Variants in EBF1 observed in about 807,000 individuals in gnomAD.
EBF1 encodes the protein transcription factor COE1.
A neutral mutation model predicts 68.4 loss-of-function variants in EBF1; 10 were observed. The ratio of observed to expected loss-of-function variants is 0.15; its 90% confidence interval spans 0.09 to 0.25. EBF1 has a LOEUF of 0.25. Among genes scored for constraint, EBF1 ranks in the 10% least tolerant of loss-of-function variants. EBF1 has a pLI of 1.00. For synonymous variants in EBF1, 298 were observed against 299.8 expected, an observed-to-expected ratio of 0.99 and a Z score of 0.06; for missense variants, 509 against 794.4, an observed-to-expected ratio of 0.64 and a Z score of 4.32.
chr5:159,069,482 T>G (rs969515563), intron 6 of EBF1, among the ~76,000 whole-genome samples: 2 of 152,138 alleles, frequency 1.3e-5, no homozygotes, highest in Admixed American at 1.3e-4. Flanking sequence ...CCATCTGTAT[T>G]CATCCATGTC....
At chr5:159,010,757 G>A (rs1410886259) in intron 6 of EBF1, among the ~76,000 whole-genome samples, 1 of 152,176 alleles carries the variant, frequency 6.6e-6, no homozygotes, top group East Asian at 1.9e-4. Flanking sequence ...GCAGGGAAAC[G>A]CATAAGGCTG....
chr5:158,930,410 C>A (rs1810609147), intron 6 of EBF1, among the ~76,000 whole-genome samples: 1 of 152,058 alleles, frequency 6.6e-6, no homozygotes, highest in Non-Finnish European at 1.5e-5. Context: ...AAAAGATGCT[C>A]CTCTGAGCCT....
At chr5:159,040,352 T>C (rs1770939751) in intron 6 of EBF1, among the ~76,000 whole-genome samples, 1 of 152,170 alleles carries the variant, frequency 6.6e-6, no homozygotes, top group Non-Finnish European at 1.5e-5. Context: ...TTTACATCCA[T>C]TGAGGCCACC....
chr5:158,785,498 C>G (rs529577823), intron 9 of EBF1, among the ~76,000 whole-genome samples: 10 of 152,268 alleles, frequency 6.6e-5, no homozygotes, highest in African/African-American at 2.4e-4. Flanking sequence ...TCAGAGTTCT[C>G]TGGGTTTCAT....
chr5:158,983,937 T>C (rs1583662964), intron 6 of EBF1, among the ~76,000 whole-genome samples: 2 of 151,048 alleles, frequency 1.3e-5, no homozygotes, highest in South Asian at 4.2e-4. Context: ...TGTGTGTGTG[T>C]GTGTAACCAA....
intron 6 of EBF1, among the ~76,000 whole-genome samples, chr5:158,846,011 C>T (rs1173003341): frequency 6.6e-6 from 1 of 152,158 alleles, no homozygotes; most frequent in Non-Finnish European, 1.5e-5. Context: ...AATGTCCATG[C>T]TAGACAGGAA....
chr5:158,867,240 G>A (rs1045603460), intron 6 of EBF1, among the ~76,000 whole-genome samples: 3 of 152,130 alleles, frequency 2.0e-5, no homozygotes, highest in Non-Finnish European at 4.4e-5. Flanking sequence ...TAGAGGAAGG[G>A]CCTGAGTTTT....
intron 6 of EBF1, among the ~76,000 whole-genome samples, chr5:159,021,388 A>C (rs1766649645): frequency 6.6e-6 from 1 of 152,234 alleles, no homozygotes; most frequent in Admixed American, 6.5e-5. Context: ...CGTGGTTTCC[A>C]AACAGAATTC....
At chr5:158,985,515 T>C (rs139624048) in intron 6 of EBF1, among the ~76,000 whole-genome samples, 15 of 152,382 alleles carry the variant, frequency 9.8e-5, no homozygotes, top group South Asian at 6.2e-4. Context: ...CAGAGAACCA[T>C]TGGGAGAAAT....
intron 6 of EBF1, among the ~76,000 whole-genome samples, chr5:159,061,113 TTTC>T (rs1334331989): frequency 6.6e-6 from 1 of 152,072 alleles, no homozygotes; most frequent in Non-Finnish European, 1.5e-5. Flanking sequence ...GTGCTGGGTA[TTTC>T]TTAATTATTA....
intron 10 of EBF1, among the ~76,000 whole-genome samples, chr5:158,773,835 T>C (rs1033251834): frequency 6.6e-6 from 1 of 152,110 alleles, no homozygotes; most frequent in African/African-American, 2.4e-5. Flanking sequence ...ATGTAACACC[T>C]GCAAGAAAAC....
At chr5:159,031,466 C>T (rs1255073455) in intron 6 of EBF1, among the ~76,000 whole-genome samples, 4 of 38,566 alleles carry the variant, frequency 1.0e-4, no homozygotes, top group African/African-American at 3.1e-4. Context: ...CCTCCAACAA[C>T]GAAAGCCTCC....
At chr5:158,775,645 T>C (rs1774968585) in intron 10 of EBF1, among the ~76,000 whole-genome samples, 1 of 151,958 alleles carries the variant, frequency 6.6e-6, no homozygotes, top group Admixed American at 6.6e-5. Flanking sequence ...TGGGGGAACA[T>C]TGTGAAAAAC....
chr5:158,772,825 A>G (rs1460990225), intron 10 of EBF1, among the ~76,000 whole-genome samples: 5 of 152,188 alleles, frequency 3.3e-5, no homozygotes, highest in Non-Finnish European at 5.9e-5. Flanking sequence ...AATGGAAACT[A>G]CTAGTATCTA....
At chr5:158,703,407 A>G (rs1757174420) in intron 15 of EBF1, among the ~76,000 whole-genome samples, 4 of 152,236 alleles carry the variant, frequency 2.6e-5, no homozygotes, top group African/African-American at 9.6e-5. Flanking sequence ...AGGACTCTGT[A>G]GGCAAACAAG....
chr5:158,840,386 C>T (rs1479562751), intron 6 of EBF1, among the ~76,000 whole-genome samples: 1 of 152,160 alleles, frequency 6.6e-6, no homozygotes, highest in African/African-American at 2.4e-5. Flanking sequence ...AGAGGGAAAG[C>T]TTTCATCATA....
chr5:158,841,136 A>G (rs1479797746), intron 6 of EBF1, among the ~76,000 whole-genome samples: 2 of 152,228 alleles, frequency 1.3e-5, no homozygotes, highest in African/African-American at 2.4e-5. Context: ...GAAAAATCCC[A>G]GTTTATACCA....
At chr5:158,855,998 TA>T (rs1793929282) in intron 6 of EBF1, among the ~76,000 whole-genome samples, 1 of 152,148 alleles carries the variant, frequency 6.6e-6, no homozygotes, top group South Asian at 2.1e-4. Context: ...AGGATATAAA[TA>T]AAAATGTCAT....
intron 6 of EBF1, among the ~76,000 whole-genome samples, chr5:158,845,761 G>A (rs1791367786): frequency 6.6e-6 from 1 of 150,564 alleles, no homozygotes; most frequent in South Asian, 2.1e-4. Context: ...AATGACTACA[G>A]CAGCTTTACC....
Sources: allele counts gnomAD v4.1 joint callset (sites outside exome capture counted in the v4.1 genomes callset), GRCh38; gene constraint gnomAD v4.1.1; transcripts MANE v1.5; gene names NCBI Gene and HGNC (gene_info 2026-07-23, HGNC 2026-07-21).